EYS: variants seen among roughly 807,000 people sequenced by gnomAD.
The protein encoded by EYS is EGF-like photoreceptor maintenance factor.
Under a neutral mutation model 282.1 loss-of-function variants are expected in EYS, and 250 were observed. The observed-to-expected ratio is 0.89, with a 90% CI of 0.80 to 0.98. EYS has a LOEUF of 0.98. Ranked by LOEUF, EYS falls within the 50% of genes least tolerant of loss-of-function variation. EYS has a pLI of 0.00. For missense variants in EYS, 4,016 were observed against 3,709.0 expected, an observed-to-expected ratio of 1.08 and a Z score of -2.15; for synonymous variants, 1,355 against 1,282.9, an observed-to-expected ratio of 1.06 and a Z score of -1.20.
chr6:65,683,694 T>A (rs1768909592), intron 1 of EYS, among the ~76,000 whole-genome samples: 1 of 151,992 alleles, frequency 6.6e-6, no homozygotes, highest in African/African-American at 2.4e-5. Flanking sequence ...ATTCAGTGCT[T>A]ACTGAAGCTC....
intron 30 of EYS, among the ~76,000 whole-genome samples, chr6:64,235,551 T>C (rs9451161): frequency 0.99 from 149,954 of 152,190 alleles, 73,919 homozygotes; most frequent in East Asian, 1. Context: ...AAAAAATATA[T>C]GTGTGCATGT....
intron 41 of EYS, among the ~76,000 whole-genome samples, chr6:63,729,527 T>C (rs538660327): frequency 3.3e-5 from 5 of 151,962 alleles, no homozygotes; most frequent in African/African-American, 4.8e-5. Context: ...AGATTCTTTT[T>C]TTTTTTTCTT....
chr6:64,128,916 TAGC>T (rs1339418054), intron 31 of EYS, among the ~76,000 whole-genome samples: 1 of 152,152 alleles, frequency 6.6e-6, no homozygotes, highest in African/African-American at 2.4e-5. Flanking sequence ...TCTAGAATAA[TAGC>T]AGTCAGTAAA....
At chr6:63,774,608 A>G (rs1009454544) in intron 40 of EYS, among the ~76,000 whole-genome samples, 1 of 152,214 alleles carries the variant, frequency 6.6e-6, no homozygotes, top group African/African-American at 2.4e-5. Context: ...TTCCAATCAG[A>G]AAAAATTATA....
chr6:65,109,992 T>C (rs964550037), intron 12 of EYS, among the ~76,000 whole-genome samples: 1 of 152,174 alleles, frequency 6.6e-6, no homozygotes, highest in African/African-American at 2.4e-5. Flanking sequence ...TTTCTTCTCA[T>C]CTGAAGTGCT....
chr6:63,725,302 T>C (rs1376480167), intron 42 of EYS, among the ~76,000 whole-genome samples: 3 of 152,078 alleles, frequency 2.0e-5, no homozygotes, highest in Non-Finnish European at 4.4e-5. Context: ...TTAGTGTGTA[T>C]GAGCTTTATA....
At chr6:63,811,141 A>G (rs564230921) in intron 36 of EYS, among the ~76,000 whole-genome samples, 2 of 152,192 alleles carry the variant, frequency 1.3e-5, no homozygotes, top group African/African-American at 4.8e-5. Flanking sequence ...CCCATCATAA[A>G]TAAAGAGCTT....
chr6:65,214,703 A>G (rs9453227), intron 12 of EYS, among the ~76,000 whole-genome samples: 1 of 152,238 alleles, frequency 6.6e-6, no homozygotes, highest in Non-Finnish European at 1.5e-5. Context: ...AGATTTTCAC[A>G]GCTATGGAGG....
intron 19 of EYS, among the ~76,000 whole-genome samples, chr6:64,823,730 C>T (rs1764967132): frequency 6.6e-6 from 1 of 151,894 alleles, no homozygotes; most frequent in African/African-American, 2.4e-5. Flanking sequence ...AGTGAAACTT[C>T]CAGGTCACAC....
chr6:64,316,073 T>C (rs1448676976), intron 29 of EYS, among the ~76,000 whole-genome samples: 1 of 152,136 alleles, frequency 6.6e-6, no homozygotes, highest in African/African-American at 2.4e-5. Flanking sequence ...TATCTCAAAA[T>C]AATAAGAGCA....
intron 2 of EYS, among the ~76,000 whole-genome samples, chr6:65,502,716 A>C (rs941941599): frequency 1.3e-5 from 2 of 151,352 alleles, no homozygotes; most frequent in African/African-American, 2.4e-5. Context: ...GATGACCTTG[A>C]GATTTTTTTA....
At chr6:65,469,036 G>A (rs923246052) in intron 5 of EYS, among the ~76,000 whole-genome samples, 11 of 151,618 alleles carry the variant, frequency 7.3e-5, no homozygotes, top group African/African-American at 1.9e-4. Context: ...TCACCTCTAG[G>A]GTTGCCAGAT....
At chr6:64,078,807 T>C (rs1230474386) in intron 32 of EYS, among the ~76,000 whole-genome samples, 1 of 152,080 alleles carries the variant, frequency 6.6e-6, no homozygotes, top group Non-Finnish European at 1.5e-5. Flanking sequence ...GCTTGACTTT[T>C]ATTGGATTTA....
At chr6:64,769,337 A>C (rs540321107) in intron 22 of EYS, among the ~76,000 whole-genome samples, 3 of 152,230 alleles carry the variant, frequency 2.0e-5, no homozygotes, top group South Asian at 4.1e-4. Flanking sequence ...AGACAGAAAT[A>C]AATGAGCACA....
At chr6:64,963,822 TTAA>T (rs2150107502) in intron 14 of EYS, among the ~76,000 whole-genome samples, 1 of 152,298 alleles carries the variant, frequency 6.6e-6, no homozygotes, top group Admixed American at 6.5e-5. Flanking sequence ...CACTGAACAA[TTAA>T]TAACATACAG....
chr6:64,301,282 T>C (rs1769223310), intron 30 of EYS, among the ~76,000 whole-genome samples: 1 of 152,230 alleles, frequency 6.6e-6, no homozygotes, highest in Non-Finnish European at 1.5e-5. Flanking sequence ...GCAAAATCTC[T>C]TTTCTATCTT....
At position 65,205,213 on chromosome 6, in the gene EYS, A is replaced by T. The variant is rs1469477832; in HGVS notation, c.2023+90650T>A. On this transcript the variant is annotated intron_variant, in intron 12 of 42. Transcript: ENST00000503581. ...ACTCAAAGTAAAGGGGTAGTAAAAG[A>T]TATAGCACACAAATGGAAAACAAAA... Among the ~76,000 whole-genome samples, 8 of 151,022 alleles carry T rather than the reference A, an allele frequency of 5.3e-5. No homozygotes were observed. The Admixed American group carries it at 5.3e-4, about 10-fold the overall frequency.
chr6:65,679,315 TGTGTGTATGTAA>T (rs1228507332), intron 1 of EYS, among the ~76,000 whole-genome samples: 5 of 151,980 alleles, frequency 3.3e-5, no homozygotes, highest in South Asian at 4.1e-4. Context: ...TGTGTGTGCA[TGTGTGTATGTAA>T]GTGTATGTAT....
intron 13 of EYS, among the ~76,000 whole-genome samples, chr6:65,007,973 G>A (rs1160117323): frequency 1.3e-5 from 2 of 152,126 alleles, no homozygotes; most frequent in African/African-American, 2.4e-5. Context: ...ACTGCAGCCC[G>A]AGAGTTTGGT....
Sources: allele counts gnomAD v4.1 joint callset (sites outside exome capture counted in the v4.1 genomes callset), GRCh38; gene constraint gnomAD v4.1.1; transcripts MANE v1.5; gene names NCBI Gene and HGNC (gene_info 2026-07-23, HGNC 2026-07-21).